CDH6: variants seen among roughly 807,000 people sequenced by gnomAD.
CDH6 encodes the protein cadherin 6.
A neutral mutation model predicts 78.0 loss-of-function variants in CDH6; 31 were observed. That is an observed-to-expected ratio of 0.40 (90% CI 0.30 to 0.54). CDH6 has a LOEUF of 0.54. Among genes scored for constraint, CDH6 ranks in the 20% least tolerant of loss-of-function variants. The pLI is 0.56. For missense variants in CDH6, 724 were observed against 975.9 expected (o/e 0.74, Z 3.44); for synonymous variants, 376 against 368.8 (o/e 1.02, Z -0.23).
chr5:31,211,127 A>G (rs1409685513), intron 1 of CDH6, among the ~76,000 whole-genome samples: 1 of 152,132 alleles, frequency 6.6e-6, no homozygotes, highest in Non-Finnish European at 1.5e-5. Context: ...CTAGAAATAC[A>G]TCACTGTCCA....
intron 1 of CDH6, among the ~76,000 whole-genome samples, chr5:31,246,282 T>C (rs538932869): frequency 6.6e-6 from 1 of 152,276 alleles, no homozygotes; most frequent in East Asian, 1.9e-4. Flanking sequence ...GCTTTACTGT[T>C]GCTTAATTTT....
At chr5:31,304,773 C>G (rs979887590) in intron 6 of CDH6, among the ~76,000 whole-genome samples, 2 of 151,902 alleles carry the variant, frequency 1.3e-5, no homozygotes, top group African/African-American at 2.4e-5. Flanking sequence ...CTGATGGCCC[C>G]CTCTAGTGAA....
chr5:31,195,322 T>A (rs980018557), intron 1 of CDH6, among the ~76,000 whole-genome samples: 1 of 152,178 alleles, frequency 6.6e-6, no homozygotes, highest in Non-Finnish European at 1.5e-5. Flanking sequence ...AACTCCTCCC[T>A]GTGTTGGAAA....
chr5:31,273,089 A>C (rs534113726), intron 2 of CDH6, among the ~76,000 whole-genome samples: 4 of 152,370 alleles, frequency 2.6e-5, no homozygotes, highest in Admixed American at 2.0e-4. Context: ...GTTGTCAGCC[A>C]TACACACCTT....
chr5:31,306,583 C>G (rs994535693), intron 7 of CDH6, among the ~76,000 whole-genome samples: 1 of 152,012 alleles, frequency 6.6e-6, no homozygotes, highest in Non-Finnish European at 1.5e-5. Context: ...AAGTGCTAGA[C>G]CAGAATAGCA....
chr5:31,294,390 T>C lies in CDH6; in HGVS notation c.523+134T>C, dbSNP rs1737521114. ...TTCTTCAATCCATGTATGTCCTTTCTGTAAGTGCATATGTTTCCTAATATT... is the reference window on the plus strand; with the variant it reads ...TTCTTCAATCCATGTATGTCCTTTCCGTAAGTGCATATGTTTCCTAATATT... On this transcript the variant is annotated intron_variant, in intron 3 of 11. Transcript: ENST00000265071. This position sits in a 1 kb window ranked among gnomAD's most constrained non-coding sequence, Gnocchi z 4.1. The C allele has an allele frequency of 1.4e-6, 1 of 697,948 alleles. No individual in the cohort carries two copies. Among genetic ancestry groups the C allele is most frequent in the Admixed American group, 2.5e-5 (1 of 39,516 alleles). 43.2% of individuals were successfully genotyped at this position (697,948 alleles called of 1,614,324 possible). A position where few individuals can be genotyped will look rare whatever the true frequency, so the allele number is the denominator to read the frequency against.
intron 1 of CDH6, among the ~76,000 whole-genome samples, chr5:31,224,423 T>C (rs1741089994): frequency 6.6e-6 from 1 of 152,226 alleles, no homozygotes; most frequent in Non-Finnish European, 1.5e-5. Context: ...GGATGATTTT[T>C]ATCCCCATTT....
At chr5:31,303,217 C>T (rs1221250153) in intron 6 of CDH6, among the ~76,000 whole-genome samples, 1 of 152,092 alleles carries the variant, frequency 6.6e-6, no homozygotes, top group Admixed American at 6.6e-5. Context: ...CTGGTACATA[C>T]AACAGATGTT....
chr5:31,222,504 G>A (rs1025537855), intron 1 of CDH6, among the ~76,000 whole-genome samples: 4 of 151,948 alleles, frequency 2.6e-5, no homozygotes, highest in East Asian at 1.9e-4. Flanking sequence ...ATATTAAATC[G>A]AGCTTAATAT....
chr5:31,206,665 G>T (rs979397411), intron 1 of CDH6, among the ~76,000 whole-genome samples: 2 of 152,042 alleles, frequency 1.3e-5, no homozygotes, highest in Admixed American at 1.3e-4. Context: ...AGCAATTTAC[G>T]GAAAATAGAT....
At chr5:31,196,916 T>C (rs1024716251) in intron 1 of CDH6, among the ~76,000 whole-genome samples, 3 of 152,170 alleles carry the variant, frequency 2.0e-5, no homozygotes, top group African/African-American at 7.2e-5. Context: ...AATAACATTA[T>C]ATTTAGAACT....
chr5:31,308,769 C>T (rs1389989287), intron 7 of CDH6, among the ~76,000 whole-genome samples: 2 of 151,918 alleles, frequency 1.3e-5, no homozygotes, highest in Non-Finnish European at 2.9e-5. Flanking sequence ...CCCTTTATGT[C>T]AAGGTTTGAT....
chr5:31,317,719 C>G lies in CDH6; in HGVS notation c.1677C>G (p.His559Gln), dbSNP rs201909616. The change falls in exon 11 of 12, where the codon CAC becomes CAG. Residue 559 changes from histidine (H) to glutamine (Q), a missense_variant. His to Gln is a conservative substitution (Grantham distance 24). This residue lies in a region of CDH6 where 446 missense variants were observed against 684.5 expected (regional missense o/e 0.65). Transcript: ENST00000265071. ...ILTRKNGYNRHEMSTYLLPVV... is the reference protein window; with the variant it reads ...ILTRKNGYNRQEMSTYLLPVV... ...CTCGGAAAAATGGCTATAATAGACA[C>G]GAGATGAGCACCTATCTCTTGCCTG... 3 of 1,614,020 alleles carry G rather than the reference C, an allele frequency of 1.9e-6. No individual in the cohort carries two copies. Among genetic ancestry groups the G allele is most frequent in the Non-Finnish European group, 1.7e-6 (2 of 1,179,928 alleles).
chr5:31,238,319 G>A (rs1741505787), intron 1 of CDH6, among the ~76,000 whole-genome samples: 1 of 152,144 alleles, frequency 6.6e-6, no homozygotes, highest in Admixed American at 6.5e-5. Flanking sequence ...TCTCTGGTGA[G>A]AACTGAAATG....
intron 5 of CDH6, 64 bp downstream of exon 5, chr5:31,299,695 T>C: frequency 1.4e-6 from 2 of 1,407,170 alleles, no homozygotes; most frequent in Non-Finnish European, 2.0e-6. Flanking sequence ...CTTTAAGAAT[T>C]TTTATTTTCC....
chr5:31,250,827 G>A (rs897474648), intron 1 of CDH6: 4 of 153,000 alleles, frequency 2.6e-5, no homozygotes, highest in Non-Finnish European at 4.4e-5. Context: ...TCAGCCACTC[G>A]AGCAACCGCA....
At chr5:31,307,617 TGTAA>T (rs1323898330) in intron 7 of CDH6, among the ~76,000 whole-genome samples, 11 of 152,212 alleles carry the variant, frequency 7.2e-5, no homozygotes, top group East Asian at 3.8e-4. Flanking sequence ...CTAATATATG[TGTAA>T]GTATTTTCAC....
At chr5:31,258,708 T>C (rs1742126080) in intron 1 of CDH6, among the ~76,000 whole-genome samples, 1 of 152,022 alleles carries the variant, frequency 6.6e-6, no homozygotes, top group African/African-American at 2.4e-5. Context: ...GTGTAGAGCA[T>C]TTATCCCATT....
intron 1 of CDH6, among the ~76,000 whole-genome samples, chr5:31,234,420 G>A (rs1379127979): frequency 2.0e-5 from 3 of 152,060 alleles, no homozygotes; most frequent in Non-Finnish European, 4.4e-5. Context: ...GTCATATTTA[G>A]CAAAACCATC....
Sources: allele counts gnomAD v4.1 joint callset (sites outside exome capture counted in the v4.1 genomes callset), GRCh38; gene constraint gnomAD v4.1.1; regional missense constraint gnomAD v4.1.1; non-coding constraint Gnocchi (gnomAD v3.1); transcripts MANE v1.5; gene names NCBI Gene and HGNC (gene_info 2026-07-23, HGNC 2026-07-21).